Variants in HECW2 observed in about 807,000 individuals in gnomAD.
HECW2 encodes the protein E3 ubiquitin-protein ligase HECW2.
A neutral mutation model predicts 175.2 loss-of-function variants in HECW2; 61 were observed. The ratio of observed to expected loss-of-function variants is 0.35; its 90% CI spans 0.28 to 0.43. The LOEUF is 0.43. HECW2 is among the 20% of genes least tolerant of loss of function. The probability of loss-of-function intolerance (pLI) is 1.00; values close to 1 mark genes in which losing one functional copy is unlikely to be tolerated. For missense variants in HECW2, 1,524 were observed against 2,000.5 expected (o/e 0.76, Z 4.54); for synonymous variants, 671 against 731.0 (o/e 0.92, Z 1.32).
At position 196,334,463 on chromosome 2, in the gene HECW2, G is replaced by A; in HGVS notation, c.456C>T (p.Ala152=). ...YYHGISGALR[A]TTPCITVKNP... ...TCTTCACGGTGATGCAGGGGGTCGT[G>A]GCTCGCAGGGCTCCACTAATGCCGT... Residue 152 remains alanine, a synonymous_variant, in exon 4 of 29, where the codon GCC becomes GCT. Transcript: ENST00000644978. 3.7e-6 allele frequency: 6 copies of A among 1,610,060 alleles called. No homozygotes were observed. The highest frequency in any genetic ancestry group is 4.2e-6 in the Non-Finnish European group (5 of 1,178,378).
intron 1 of HECW2, among the ~76,000 whole-genome samples, chr2:196,497,778 T>C: frequency 6.6e-6 from 1 of 152,208 alleles, no homozygotes; most frequent in African/African-American, 2.4e-5. Context: ...ATAGAGAAGT[T>C]ACCTAACCAC....
intron 2 of HECW2, among the ~76,000 whole-genome samples, chr2:196,393,502 T>C (rs1397015506): frequency 2.6e-5 from 4 of 151,972 alleles, no homozygotes; most frequent in African/African-American, 9.7e-5. Context: ...AGGATATGAA[T>C]AGACAATTCT....
intron 26 of HECW2, among the ~76,000 whole-genome samples, chr2:196,219,782 A>G (rs756937586): frequency 6.6e-6 from 1 of 152,198 alleles, no homozygotes; most frequent in Non-Finnish European, 1.5e-5. Flanking sequence ...TAGTGTTCTT[A>G]CGGTCACATT....
intron 1 of HECW2, among the ~76,000 whole-genome samples, chr2:196,576,071 A>G (rs1690551264): frequency 6.6e-6 from 1 of 152,122 alleles, no homozygotes; most frequent in South Asian, 2.1e-4. Context: ...AGATTATAAC[A>G]CCATATTTTT....
At position 196,292,618 on chromosome 2, in the gene HECW2, T is replaced by C; in HGVS notation, c.2947A>G (p.Lys983Glu). The C allele has an allele frequency of 6.2e-7, 1 of 1,614,194 alleles. No individual in the cohort carries two copies. Among genetic ancestry groups the C allele is most frequent in the Non-Finnish European group, 8.5e-7 (1 of 1,180,004 alleles). Residue 983 changes from lysine (K) to glutamate (E), a missense_variant, in exon 14 of 29, where the codon AAA becomes GAA. Transcript: ENST00000644978. ...CATCCCCGCGGCAGCTCTAGCTGTT[T>C]GTTCGCGAACATGTTGAGGAATCCC... ...LVGFLNMFAN[K>E]QLELPRGWEM...
intron 2 of HECW2, among the ~76,000 whole-genome samples, chr2:196,385,653 C>A (rs1275328162): frequency 3.3e-5 from 5 of 152,186 alleles, no homozygotes; most frequent in Non-Finnish European, 7.3e-5. Flanking sequence ...GGAACTGGAG[C>A]ACATGGGGAC....
At chr2:196,255,126 C>T (rs1689007121) in intron 18 of HECW2, among the ~76,000 whole-genome samples, 1 of 149,408 alleles carries the variant, frequency 6.7e-6, no homozygotes, top group South Asian at 2.1e-4. Flanking sequence ...GTGCGAGTCA[C>T]CACGTTCAGC....
chr2:196,219,400 C>T (rs533224879), intron 26 of HECW2, among the ~76,000 whole-genome samples: 5 of 152,302 alleles, frequency 3.3e-5, no homozygotes, highest in South Asian at 4.1e-4. Flanking sequence ...GGCTTTGGTC[C>T]CAGTTACTAA....
intron 1 of HECW2, among the ~76,000 whole-genome samples, chr2:196,509,010 G>A (rs1467208386): frequency 1.3e-5 from 2 of 152,174 alleles, no homozygotes; most frequent in Non-Finnish European, 2.9e-5. Context: ...AGAGCTTTCA[G>A]TGAGCTGAGA....
chr2:196,371,599 A>G (rs1414978216), intron 2 of HECW2, among the ~76,000 whole-genome samples: 2 of 152,202 alleles, frequency 1.3e-5, no homozygotes, highest in Non-Finnish European at 2.9e-5. Flanking sequence ...TGTCAGAGTA[A>G]TTTTATGTCT....
At chr2:196,420,497 G>C (rs1310834383) in intron 2 of HECW2, among the ~76,000 whole-genome samples, 4 of 152,148 alleles carry the variant, frequency 2.6e-5, no homozygotes, top group Non-Finnish European at 5.9e-5. Flanking sequence ...CCTGTTAAGG[G>C]GAAGACCCAC....
intron 2 of HECW2, among the ~76,000 whole-genome samples, chr2:196,395,407 G>A (rs189098180): frequency 7.2e-4 from 109 of 152,088 alleles, no homozygotes; most frequent in Non-Finnish European, 1.2e-3. Context: ...AAACACTATC[G>A]ACAGAATGGA....
chr2:196,453,654 C>T (rs1283567000), intron 1 of HECW2, among the ~76,000 whole-genome samples: 1 of 152,090 alleles, frequency 6.6e-6, no homozygotes, highest in Non-Finnish European at 1.5e-5. Context: ...TATTTAGTTA[C>T]TTTAACAGAG....
intron 1 of HECW2, among the ~76,000 whole-genome samples, chr2:196,539,083 G>T (rs762635834): frequency 6.6e-6 from 1 of 152,208 alleles, no homozygotes; most frequent in Non-Finnish European, 1.5e-5. Context: ...AGTGGCAGAA[G>T]TCCAGAAGTG....
chr2:196,388,941 G>C (rs1244844787), intron 2 of HECW2, among the ~76,000 whole-genome samples: 1 of 152,166 alleles, frequency 6.6e-6, no homozygotes, highest in Non-Finnish European at 1.5e-5. Flanking sequence ...CATGGTTACT[G>C]CCACTCTGAG....
At chr2:196,300,481 A>G (rs1306688151) in intron 13 of HECW2, among the ~76,000 whole-genome samples, 1 of 152,260 alleles carries the variant, frequency 6.6e-6, no homozygotes, top group East Asian at 1.9e-4. Context: ...TGACAAAGGA[A>G]TATGAAACTC....
At chr2:196,472,106 C>G (rs964285271) in intron 1 of HECW2, among the ~76,000 whole-genome samples, 9 of 151,712 alleles carry the variant, frequency 5.9e-5, no homozygotes, top group Middle Eastern at 3.4e-3. Context: ...TACCCATAAT[C>G]AACCACATTT....
intron 13 of HECW2, among the ~76,000 whole-genome samples, chr2:196,297,278 T>G (rs1690851782): frequency 1.3e-5 from 2 of 152,236 alleles, no homozygotes; most frequent in African/African-American, 4.8e-5. Flanking sequence ...ACTTCCCTCC[T>G]GGTTGTTTCT....
chr2:196,319,586 G>T lies in HECW2; in HGVS notation c.1304C>A (p.Thr435Asn), dbSNP rs111996214. Residue 435 changes from threonine (T) to asparagine (N), a missense_variant, in exon 9 of 29, where the codon ACC becomes AAC. By Grantham distance (65) the Thr-to-Asn change is moderately conservative (BLOSUM62 0). Transcript: ENST00000644978. ...GGCACCCATGGACCTCTCAGAGCAG[G>T]TCGCTGTCCCCGGCCTGGAGTGGCC... ...HNGHSRPGTATCSERSMGASP... is the reference protein window; with the variant it reads ...HNGHSRPGTANCSERSMGASP... 2.2e-5 allele frequency: 35 copies of T among 1,614,232 alleles called. No homozygotes were observed. Among genetic ancestry groups the T allele is most frequent in the African/African-American group, 1.5e-4 (11 of 75,060 alleles).
Sources: gnomAD v4.1 joint callset for allele counts (sites outside exome capture counted in the v4.1 genomes callset) on GRCh38, gnomAD v4.1.1 for gene constraint, MANE v1.5 for transcripts, NCBI Gene and HGNC (gene_info 2026-07-23, HGNC 2026-07-21) for gene names.